The following AGBL1 variants were observed in gnomAD, a reference collection of about 807,000 sequenced individuals.
AGBL1 encodes the protein AGBL carboxypeptidase 1.
AGBL1 carries 130 observed loss-of-function variants against 118.9 expected under a neutral mutation model. That is an observed-to-expected ratio of 1.09 (90% confidence interval 0.95 to 1.26). The LOEUF (loss-of-function observed/expected upper bound fraction) is 1.26. Ranked by LOEUF, AGBL1 falls within the 50% of genes most tolerant of loss-of-function variation. The probability of loss-of-function intolerance (pLI) is 0.00; values close to 1 mark genes in which losing one functional copy is unlikely to be tolerated. For synonymous variants in AGBL1, 555 were observed against 478.9 expected (o/e 1.16, Z -2.08); for missense variants, 1,584 against 1,298.1 (o/e 1.22, Z -3.38).
At chr15:86,308,569 T>C (rs1474161708) in intron 17 of AGBL1, among the ~76,000 whole-genome samples, 2 of 152,238 alleles carry the variant, frequency 1.3e-5, no homozygotes, top group African/African-American at 4.8e-5. Flanking sequence ...CTTACATTTA[T>C]GTTTTAAATT....
chr15:86,711,082 G>C (rs1397216265), intron 22 of AGBL1, among the ~76,000 whole-genome samples: 1 of 152,136 alleles, frequency 6.6e-6, no homozygotes, highest in African/African-American at 2.4e-5. Flanking sequence ...TAGGGAGTTT[G>C]GGGAAGCAAA....
chr15:86,119,868 G>A (rs545514665), intron 1 of AGBL1, among the ~76,000 whole-genome samples: 2 of 152,224 alleles, frequency 1.3e-5, no homozygotes, highest in South Asian at 4.1e-4. Flanking sequence ...AGAAAGATTC[G>A]AGTGGTGCCT....
chr15:86,404,870 G>T (rs1415588277), intron 18 of AGBL1, among the ~76,000 whole-genome samples: 1 of 152,180 alleles, frequency 6.6e-6, no homozygotes, highest in Non-Finnish European at 1.5e-5. Context: ...CAATAAGTGT[G>T]TTAGTTATTC....
At chr15:86,359,457 T>G (rs1369151896) in intron 17 of AGBL1, among the ~76,000 whole-genome samples, 1 of 146,864 alleles carries the variant, frequency 6.8e-6, no homozygotes, top group African/African-American at 2.5e-5. Flanking sequence ...TGTAATATAT[T>G]TTGAAACCTA....
At chr15:87,025,768 C>T (rs138208290) in intron 24 of AGBL1, among the ~76,000 whole-genome samples, 4,365 of 152,054 alleles carry the variant, frequency 0.029, 87 homozygotes, top group Middle Eastern at 0.058. Flanking sequence ...TACTATAAGG[C>T]CATAGTCACC....
chr15:86,100,699 G>A (rs957843488), intron 1 of AGBL1, among the ~76,000 whole-genome samples: 3 of 151,954 alleles, frequency 2.0e-5, no homozygotes, highest in Non-Finnish European at 2.9e-5. Flanking sequence ...TGTGGTATCA[G>A]TTGTAATAGC....
chr15:86,844,218 CAT>C (rs1235373094), intron 22 of AGBL1, among the ~76,000 whole-genome samples: 1 of 152,116 alleles, frequency 6.6e-6, no homozygotes, highest in Non-Finnish European at 1.5e-5. Context: ...ATTGTGTGGA[CAT>C]GTTTCAGTTT....
In AGBL1 at chr15:86,134,603, CCTTTTTT is replaced by C. The variant is rs1190778764; in HGVS notation, c.52-7400_52-7394del. 1.8e-3 allele frequency among the ~76,000 whole-genome samples: 206 copies of C among 114,314 alleles called. 2 individuals are homozygous for C. The highest frequency in any genetic ancestry group is 7.1e-3 in the South Asian group (23 of 3,218). The allele number at this position is 114,314 out of a possible 152,430, so 75.0% of individuals were successfully genotyped here. ...TTAAGACTGTGATGGATCAATGGTG[CCTTTTTT>C]TTTTTTTTTTTTTTTTTTTTTGAGA... On this transcript the variant is annotated intron_variant, in intron 1 of 22. Transcript: ENST00000614907.
chr15:86,658,846 C>T (rs2085498931), intron 21 of AGBL1, among the ~76,000 whole-genome samples: 1 of 152,108 alleles, frequency 6.6e-6, no homozygotes, highest in African/African-American at 2.4e-5. Context: ...GGAGAGCAAT[C>T]CTCCATGTTG....
intron 17 of AGBL1, among the ~76,000 whole-genome samples, chr15:86,394,037 A>G (rs1034609247): frequency 2.6e-5 from 4 of 152,194 alleles, no homozygotes; most frequent in African/African-American, 9.6e-5. Context: ...CCAGAACTGT[A>G]AAAAAGAAAT....
chr15:86,779,447 C>T (rs1214362904), intron 22 of AGBL1, among the ~76,000 whole-genome samples: 1 of 152,092 alleles, frequency 6.6e-6, no homozygotes, highest in Non-Finnish European at 1.5e-5. Context: ...TCATTTATTC[C>T]CTGAAATCTC....
At chr15:86,897,179 T>C (rs961978308) in intron 22 of AGBL1, among the ~76,000 whole-genome samples, 5 of 152,210 alleles carry the variant, frequency 3.3e-5, no homozygotes, top group African/African-American at 9.6e-5. Flanking sequence ...TACATGCTTA[T>C]ATACTTTTTT....
At chr15:86,954,939 A>G (rs1594753) in intron 23 of AGBL1, among the ~76,000 whole-genome samples, 84,395 of 152,016 alleles carry the variant, frequency 0.56, 25,922 homozygotes, top group East Asian at 0.7. Flanking sequence ...TGGTTGCTTT[A>G]GAGTTCACGT....
intron 21 of AGBL1, among the ~76,000 whole-genome samples, chr15:86,576,817 C>G (rs1010520100): frequency 6.6e-6 from 1 of 152,192 alleles, no homozygotes; most frequent in Non-Finnish European, 1.5e-5. Context: ...CAAGCCCTCT[C>G]TCTTTTTGCC....
chr15:86,231,123 T>C (rs779732918), intron 6 of AGBL1, among the ~76,000 whole-genome samples: 1 of 152,248 alleles, frequency 6.6e-6, no homozygotes, highest in Non-Finnish European at 1.5e-5. Context: ...CTAACCATAC[T>C]GTAATTGATG....
chr15:86,391,186 CATAAA>C (rs2081277552), intron 17 of AGBL1, among the ~76,000 whole-genome samples: 1 of 151,732 alleles, frequency 6.6e-6, no homozygotes, highest in Non-Finnish European at 1.5e-5. Context: ...TGACTTGTAA[CATAAA>C]ATTGGTAAAA....
Position 86,211,747 on chromosome 15 carries a change from C to T in AGBL1, c.489-13167C>T, listed in dbSNP as rs73445696. 4.8e-3 allele frequency among the ~76,000 whole-genome samples: 734 copies of T among 152,306 alleles called. 8 individuals are homozygous for T. The highest frequency in any genetic ancestry group is 0.016 in the African/African-American group (685 of 41,578). ...CGAATTTTCCAGGTACAGGGCATCA[C>T]GGCTTCCCTTTGCTAGGAAAGGGAA... On this transcript the variant is annotated intron_variant, in intron 5 of 22. Coordinates refer to ENST00000614907, the MANE Select transcript of AGBL1 (RefSeq NM_001386094.1).
At chr15:86,837,224 CA>C (rs71230682) in intron 22 of AGBL1, among the ~76,000 whole-genome samples, 1,705 of 137,410 alleles carry the variant, frequency 0.012, 7 homozygotes, top group Middle Eastern at 0.015. Flanking sequence ...TCCTGACTAT[CA>C]AAAAAAAAAA....
intron 5 of AGBL1, among the ~76,000 whole-genome samples, chr15:86,187,549 A>AT (rs1282874046): frequency 2.0e-5 from 3 of 152,178 alleles, no homozygotes; most frequent in Non-Finnish European, 4.4e-5. Flanking sequence ...CTGAGCCTCA[A>AT]TTTTTACACC....
Sources: allele counts gnomAD v4.1 joint callset (sites outside exome capture counted in the v4.1 genomes callset), GRCh38; gene constraint gnomAD v4.1.1; transcripts MANE v1.5; gene names NCBI Gene and HGNC (gene_info 2026-07-23, HGNC 2026-07-21).